Variants in FAM186B observed in about 807,000 individuals in gnomAD.
The protein encoded by FAM186B is protein FAM186B.
FAM186B carries 68 observed loss-of-function variants against 83.4 expected under a neutral mutation model. That is an observed-to-expected ratio of 0.81 (90% CI 0.67 to 1.00). The LOEUF is 1.00. Among genes scored for constraint, FAM186B ranks in the 50% least tolerant of loss-of-function variants. FAM186B has a pLI of 0.00. For missense variants in FAM186B, 983 were observed against 1,099.2 expected, an observed-to-expected ratio of 0.89 and a Z score of 1.49; for synonymous variants, 389 against 422.0, an observed-to-expected ratio of 0.92 and a Z score of 0.96.
chr12:49,609,558 G>C (rs146830324), upstream of FAM186B, among the ~76,000 whole-genome samples: 1 of 152,268 alleles, frequency 6.6e-6, no homozygotes, highest in Non-Finnish European at 1.5e-5. Context: ...CCGTTCACAT[G>C]AATTAGCAGC....
chr12:49,599,062 A>T, intron 4 of FAM186B, 115 bp from the exon 5 acceptor site: 1 of 1,108,474 alleles, frequency 9.0e-7, no homozygotes, highest in Non-Finnish European at 1.3e-6. Context: ...AGAGAAATGG[A>T]GGCTGGTGAG....
chr12:49,621,378 AAAC>A, the FAM186B span, among the ~76,000 whole-genome samples: 1 of 152,300 alleles, frequency 6.6e-6, no homozygotes, highest in East Asian at 1.9e-4. Flanking sequence ...TCTCAAAACA[AAAC>A]AACAACAACA....
Position 49,587,716 on chromosome 12 carries a change from G to T in FAM186B, c.2571C>A (p.Thr857=). The part of the protein sequence containing the change: ...QGKQMEAVWK[T]EVASSSYAIE... ...TTGCGTAACTGGAGGAGGCCACCTC[G>T]GTCTTCCAGACAGCCTCCATCTGCT... The change falls in exon 7 of 7, where the codon ACC becomes ACA. Residue 857 remains threonine, a synonymous_variant. Coordinates refer to ENST00000257894, the MANE Select transcript of FAM186B (RefSeq NM_032130.3). 6.2e-7 allele frequency: 1 copy of T among 1,614,048 alleles called. No individual in the cohort carries two copies. The highest frequency in any genetic ancestry group is 2.2e-5 in the East Asian group (1 of 44,888).
chr12:49,611,015 G>A, the FAM186B span, among the ~76,000 whole-genome samples: 9 of 151,714 alleles, frequency 5.9e-5, no homozygotes, highest in East Asian at 1.9e-4. Flanking sequence ...CAAGGCGGGC[G>A]AATCACTTGA....
At chr12:49,584,229 G>A, downstream of FAM186B, 1 of 424,916 alleles carries the variant, frequency 2.4e-6, no homozygotes, top group Non-Finnish European at 4.3e-6. Flanking sequence ...ACACTCAGAG[G>A]GTTCTAAAAC....
the FAM186B span, among the ~76,000 whole-genome samples, chr12:49,616,703 A>G: frequency 2.0e-5 from 3 of 152,260 alleles, no homozygotes; most frequent in African/African-American, 7.2e-5. Flanking sequence ...AGTAGATGCC[A>G]GAAGCCAGGT....
rs770245417 is a variant in FAM186B, at chr12:49,588,454, C to T, written c.2534G>A (p.Arg845His). 27 of 1,610,482 alleles carry T rather than the reference C, an allele frequency of 1.7e-5. No homozygotes were observed. Among genetic ancestry groups the T allele is most frequent in the African/African-American group, 8.0e-5 (6 of 74,896 alleles). ...HRACVPLQMARQQGKQMEAVW... is the reference protein window; with the variant it reads ...HRACVPLQMAHQQGKQMEAVW... ...GCCCCCTCAGCTTCCCAGAACCTAC[C>T]GGGCCATCTGCAGGGGCACACATGC... is the stretch of plus-strand genomic sequence containing the variant. The change falls in exon 6 of 7, where the codon CGC (arginine) becomes CAC (histidine). Residue 845 changes from arginine (R) to histidine (H), a missense_variant and splice_region_variant. Coordinates refer to ENST00000257894, the MANE Select transcript of FAM186B (RefSeq NM_032130.3).
At chr12:49,603,144 G>A (rs374226932) in intron 3 of FAM186B, 41 bp downstream of exon 3, 57 of 1,608,328 alleles carry the variant, frequency 3.5e-5, no homozygotes, top group African/African-American at 2.5e-4. Flanking sequence ...GCTCCACCCC[G>A]TCCCCACCTA....
chr12:49,588,342 A>T, intron 6 of FAM186B, 112 bp downstream of exon 6: 1 of 1,317,506 alleles, frequency 7.6e-7, no homozygotes, highest in Non-Finnish European at 1.0e-6. Flanking sequence ...TCGTAGGGTG[A>T]TATTGGCCTG....
upstream of FAM186B, among the ~76,000 whole-genome samples, chr12:49,610,304 C>T (rs927815533): frequency 1.3e-5 from 2 of 152,146 alleles, no homozygotes; most frequent in Non-Finnish European, 2.9e-5. Flanking sequence ...ACCAAAGGAT[C>T]GCACTAGATG....
intron 5 of FAM186B, 109 bp from the exon 6 acceptor site, chr12:49,588,732 T>TGGAGAGGGTAAG (rs1939509444): frequency 1.7e-6 from 2 of 1,148,488 alleles, no homozygotes; most frequent in East Asian, 5.0e-5. Context: ...CAGGGCTGAG[T>TGGAGAGGGTAAG]GGAGAGGGTA....
At position 49,600,210 on chromosome 12, in the gene FAM186B, T is replaced by G; in HGVS notation, c.1430A>C (p.Glu477Ala). The G allele has an allele frequency of 6.2e-7, 1 of 1,612,740 alleles. No homozygotes were observed. The highest frequency in any genetic ancestry group is 8.5e-7 in the Non-Finnish European group (1 of 1,179,066). The change falls in exon 4 of 7, where the codon GAG becomes GCG. Residue 477 changes from glutamate to alanine, a missense_variant. By Grantham distance (107) the Glu-to-Ala change is moderately radical. Transcript: ENST00000257894. This position sits in a 1 kb window ranked among gnomAD's most constrained non-coding sequence, Gnocchi z 4.3. ...GCCGAATTCCTCCTCCCAGGGCTCC[T>G]CTTGGCTCTCAGAGGTCACCTGCCT... ...SSRQVTSESQ[E>A]EPWEEEFGRE...
At position 49,600,946 on chromosome 12, in the gene FAM186B, C is replaced by T; in HGVS notation, c.694G>A (p.Ala232Thr). 2 of 1,614,028 alleles carry T rather than the reference C, an allele frequency of 1.2e-6. No individual in the cohort carries two copies. The highest frequency in any genetic ancestry group is 1.7e-6 in the Non-Finnish European group (2 of 1,179,916). The change falls in exon 4 of 7, where the codon GCC becomes ACC. Residue 232 changes from alanine (A) to threonine (T), a missense_variant. Transcript: ENST00000257894. This position sits in a 1 kb window ranked among gnomAD's most constrained non-coding sequence, Gnocchi z 4.3. ...STMFSKGEVRAIRYMATVVEN... is the reference protein window; with the variant it reads ...STMFSKGEVRTIRYMATVVEN... ...ACCACAGTGGCCATGTACCTGATGG[C>T]CCTGACCTCCCCCTTGCTGAACATG... is the stretch of plus-strand genomic sequence containing the variant.
downstream of FAM186B, among the ~76,000 whole-genome samples, chr12:49,587,328 T>C (rs552532622): frequency 7.2e-5 from 11 of 152,116 alleles, no homozygotes; most frequent in Non-Finnish European, 1.5e-4. Context: ...TCAGAATTTA[T>C]GTGCAGCCCA....
At chr12:49,589,929 C>T (rs972022229) in intron 5 of FAM186B, among the ~76,000 whole-genome samples, 2 of 139,154 alleles carry the variant, frequency 1.4e-5, no homozygotes, top group Non-Finnish European at 3.0e-5. Context: ...TGCAGTGAGC[C>T]GAGATCGCAC....
chr12:49,584,367 T>C, downstream of FAM186B: 1 of 629,262 alleles, frequency 1.6e-6, no homozygotes, highest in Non-Finnish European at 2.9e-6. Flanking sequence ...CTAGGAGTAC[T>C]CAGCAACCCC....
chr12:49,621,986 A>G, the FAM186B span, among the ~76,000 whole-genome samples: 1 of 152,274 alleles, frequency 6.6e-6, no homozygotes, highest in Non-Finnish European at 1.5e-5. Context: ...ATTCGATTCT[A>G]TATGTGTGTA....
chr12:49,587,288 A>G (rs1034894483), downstream of FAM186B, among the ~76,000 whole-genome samples: 2 of 151,976 alleles, frequency 1.3e-5, no homozygotes, highest in African/African-American at 4.8e-5. Flanking sequence ...CCTGAGAACC[A>G]CCCCCAAGGC....
At chr12:49,588,205 C>G (rs1368515595) in intron 6 of FAM186B, among the ~76,000 whole-genome samples, 1 of 152,244 alleles carries the variant, frequency 6.6e-6, no homozygotes, top group Non-Finnish European at 1.5e-5. Flanking sequence ...CAGAGTCTTT[C>G]CGTCGCATAG....
Sources: allele counts gnomAD v4.1 joint callset (sites outside exome capture counted in the v4.1 genomes callset), GRCh38; gene constraint gnomAD v4.1.1; non-coding constraint Gnocchi (gnomAD v3.1); transcripts MANE v1.5; gene names NCBI Gene and HGNC (gene_info 2026-07-23, HGNC 2026-07-21).